The following CTDSPL variants were observed in gnomAD, a reference collection of about 807,000 sequenced individuals.
The protein encoded by CTDSPL is CTD small phosphatase-like protein.
A neutral mutation model predicts 30.5 loss-of-function variants in CTDSPL; 8 were observed. The ratio of observed to expected loss-of-function variants is 0.26; its 90% CI spans 0.15 to 0.47. CTDSPL has a LOEUF of 0.47. CTDSPL is among the 20% of genes least tolerant of loss of function. CTDSPL has a pLI of 0.99. For missense variants in CTDSPL, 248 were observed against 366.1 expected, an observed-to-expected ratio of 0.68 and a Z score of 2.63; for synonymous variants, 110 against 137.9, an observed-to-expected ratio of 0.80 and a Z score of 1.42.
intron 4 of CTDSPL, among the ~76,000 whole-genome samples, chr3:37,965,542 C>T (rs945637016): frequency 6.6e-6 from 1 of 152,176 alleles, no homozygotes; most frequent in Admixed American, 6.5e-5. Context: ...AATGGGACTG[C>T]TCTATCATTG....
intron 1 of CTDSPL, among the ~76,000 whole-genome samples, chr3:37,871,430 C>G (rs1698070253): frequency 1.3e-5 from 2 of 152,138 alleles, no homozygotes; most frequent in African/African-American, 4.8e-5. Flanking sequence ...GTGTGCAGGT[C>G]TTTGTGTAGA....
chr3:37,956,741 A>T (rs1052558262), intron 2 of CTDSPL, among the ~76,000 whole-genome samples: 1 of 152,158 alleles, frequency 6.6e-6, no homozygotes, highest in African/African-American at 2.4e-5. Flanking sequence ...TTAGGGAAAA[A>T]CTTGCTTAAA....
At chr3:37,867,693 CAG>C in intron 1 of CTDSPL, among the ~76,000 whole-genome samples, 1 of 152,106 alleles carries the variant, frequency 6.6e-6, no homozygotes, top group East Asian at 1.9e-4. Flanking sequence ...AAAAATAATA[CAG>C]AGAGGTCCCA....
At chr3:37,922,907 C>T (rs1434915122) in intron 1 of CTDSPL, among the ~76,000 whole-genome samples, 2 of 152,200 alleles carry the variant, frequency 1.3e-5, no homozygotes, top group African/African-American at 4.8e-5. Flanking sequence ...GCATTCTGGC[C>T]TGTGGATGTT....
chr3:37,944,380 C>T (rs776288330), intron 1 of CTDSPL, among the ~76,000 whole-genome samples: 7 of 150,278 alleles, frequency 4.7e-5, no homozygotes, highest in Non-Finnish European at 8.9e-5. Context: ...CAACATTTGT[C>T]CATTAAACTG....
intron 1 of CTDSPL, among the ~76,000 whole-genome samples, chr3:37,871,111 A>ATC (rs1698066532): frequency 6.6e-6 from 1 of 151,976 alleles, no homozygotes; most frequent in South Asian, 2.1e-4. Context: ...CCACTTATTC[A>ATC]TCTCTCTCTC....
intron 1 of CTDSPL, among the ~76,000 whole-genome samples, chr3:37,914,970 C>A (rs1024285496): frequency 6.8e-6 from 1 of 146,244 alleles, no homozygotes; most frequent in Non-Finnish European, 1.5e-5. Context: ...CAGCCTCAAC[C>A]TCCTCCTGCC....
chr3:37,924,749 C>T (rs1238021178), intron 1 of CTDSPL, among the ~76,000 whole-genome samples: 1 of 152,154 alleles, frequency 6.6e-6, no homozygotes, highest in Non-Finnish European at 1.5e-5. Context: ...TAAACCTTCC[C>T]TCACGTCTGC....
intron 1 of CTDSPL, among the ~76,000 whole-genome samples, chr3:37,930,408 C>T (rs1473069986): frequency 1.3e-5 from 2 of 151,972 alleles, no homozygotes; most frequent in Non-Finnish European, 2.9e-5. Context: ...ACTACAGGAG[C>T]ACACCACCAT....
intron 6 of CTDSPL, among the ~76,000 whole-genome samples, chr3:37,972,149 A>G (rs933056697): frequency 2.6e-5 from 4 of 152,186 alleles, no homozygotes; most frequent in Admixed American, 6.5e-5. Flanking sequence ...TGTGCTGGGC[A>G]TTGTCACATG....
intron 1 of CTDSPL, among the ~76,000 whole-genome samples, chr3:37,903,390 T>A (rs1014402673): frequency 6.6e-6 from 1 of 152,246 alleles, no homozygotes; most frequent in Non-Finnish European, 1.5e-5. Context: ...TTACAGCTGC[T>A]GCTGCAGCAA....
chr3:37,908,679 T>C (rs1698545392), intron 1 of CTDSPL, among the ~76,000 whole-genome samples: 1 of 152,256 alleles, frequency 6.6e-6, no homozygotes, highest in Non-Finnish European at 1.5e-5. Context: ...TAAAGGAGTG[T>C]ACAAACACAT....
chr3:37,969,389 G>C (rs763389442), intron 5 of CTDSPL: 1 of 525,250 alleles, frequency 1.9e-6, no homozygotes, highest in Admixed American at 2.0e-5. Context: ...GAGGACCAAG[G>C]CCCTGGCGAA....
intron 7 of CTDSPL, among the ~76,000 whole-genome samples, chr3:37,976,557 G>A (rs1175848688): frequency 6.6e-5 from 10 of 151,754 alleles, no homozygotes; most frequent in Admixed American, 3.3e-4. Flanking sequence ...ACTTGAACCC[G>A]GGAGGCGGAG....
chr3:37,973,444 T>C (rs1299113173), intron 6 of CTDSPL, among the ~76,000 whole-genome samples: 1 of 152,270 alleles, frequency 6.6e-6, no homozygotes, highest in Non-Finnish European at 1.5e-5. Flanking sequence ...GGCTCCCACC[T>C]GCCCCACCAT....
chr3:37,941,538 C>T lies in CTDSPL; in HGVS notation c.80-5519C>T, dbSNP rs540174493. Among the ~76,000 whole-genome samples the T allele has an allele frequency of 1.4e-4, 21 of 149,110 alleles. 1 individual carries two copies. The South Asian group carries it at 2.8e-3, about 20-fold the overall frequency. On this transcript the variant is annotated intron_variant, in intron 1 of 7. Transcript: ENST00000273179. ...CTGAGTAGCTGGGATTACAGGGGCC[C>T]GCCACCACACTCCGCTAATTTTTGT...
intron 5 of CTDSPL, chr3:37,968,438 G>A (rs536827305): frequency 5.5e-5 from 12 of 219,686 alleles, no homozygotes; most frequent in African/African-American, 2.6e-4. Flanking sequence ...GTTGGCATGC[G>A]TCTTCGTTGC....
chr3:37,952,388 C>T (rs1045437374), intron 2 of CTDSPL, among the ~76,000 whole-genome samples: 1 of 152,172 alleles, frequency 6.6e-6, no homozygotes, highest in African/African-American at 2.4e-5. Flanking sequence ...TCTTTCTGCT[C>T]CCCTATCCTT....
chr3:37,971,315 T>C, intron 5 of CTDSPL, 92 bp from the exon 6 acceptor site: 1 of 1,136,546 alleles, frequency 8.8e-7, no homozygotes, highest in South Asian at 1.4e-5. Flanking sequence ...CAGGAACCTT[T>C]GTAGCAATTC....
Sources: allele counts gnomAD v4.1 joint callset (sites outside exome capture counted in the v4.1 genomes callset), GRCh38; gene constraint gnomAD v4.1.1; transcripts MANE v1.5; gene names NCBI Gene and HGNC (gene_info 2026-07-23, HGNC 2026-07-21).